Variants in GPR83 observed in about 807,000 individuals in gnomAD.
GPR83 encodes G protein-coupled receptor 83.
Under a neutral mutation model 28.0 loss-of-function variants are expected in GPR83, and 23 were observed. That is an observed-to-expected ratio of 0.82 (90% CI 0.59 to 1.16). GPR83 has a LOEUF of 1.16. Among genes scored for constraint, GPR83 ranks in the 50% most tolerant of loss-of-function variants. The probability of loss-of-function intolerance (pLI) is 0.00; values close to 1 mark genes in which losing one functional copy is unlikely to be tolerated. For missense variants in GPR83, 610 were observed against 536.6 expected, an observed-to-expected ratio of 1.14 and a Z score of -1.35; for synonymous variants, 234 against 215.4, an observed-to-expected ratio of 1.09 and a Z score of -0.76.
intron 2 of GPR83, among the ~76,000 whole-genome samples, chr11:94,395,051 G>A (rs1209175718): frequency 6.6e-6 from 1 of 152,172 alleles, no homozygotes; most frequent in East Asian, 1.9e-4. Context: ...TTACACTAAA[G>A]CATCTGCAAC....
At chr11:94,389,475 C>T (rs1340907698) in intron 3 of GPR83, among the ~76,000 whole-genome samples, 1 of 152,030 alleles carries the variant, frequency 6.6e-6, no homozygotes, top group Non-Finnish European at 1.5e-5. Flanking sequence ...AACAAATTTA[C>T]AAGAAAAATC....
chr11:94,401,074 C>T lies in GPR83; in HGVS notation c.174G>A (p.Arg58=), dbSNP rs778848123. ...TFSDWQNFVG[R]RRYGAESQNP... ...TCTGGGACTCAGCGCCGTAGCGCCTCCTGCCCACAAAGTTCTGCCAGTCGG... is the reference window on the plus strand; with the variant it reads ...TCTGGGACTCAGCGCCGTAGCGCCTTCTGCCCACAAAGTTCTGCCAGTCGG... The change falls in exon 1 of 4, where the codon AGG becomes AGA. Residue 58 remains arginine (R), a synonymous_variant. Coordinates refer to ENST00000243673, the MANE Select transcript of GPR83 (RefSeq NM_016540.4). The T allele has an allele frequency of 1.2e-6, 2 of 1,614,242 alleles. No homozygotes were observed. Among genetic ancestry groups the T allele is most frequent in the Non-Finnish European group, 1.7e-6 (2 of 1,180,028 alleles).
At chr11:94,386,105 A>G (rs1019577345) in intron 3 of GPR83, among the ~76,000 whole-genome samples, 2 of 152,216 alleles carry the variant, frequency 1.3e-5, no homozygotes, top group Admixed American at 6.5e-5. Flanking sequence ...ACTAAGCTTC[A>G]TAAGTGAAGG....
rs1944670378 is a variant in GPR83, at chr11:94,380,175, C to G, written c.1246G>C (p.Val416Leu). The G allele has an allele frequency of 4.6e-6, 7 of 1,516,478 alleles. No individual in the cohort carries two copies. The highest frequency in any genetic ancestry group is 6.2e-6 in the Non-Finnish European group (7 of 1,133,654). The allele number at this position is 1,516,478 out of a possible 1,614,324, so 93.9% of individuals were successfully genotyped here. A position where few individuals can be genotyped will look rare whatever the true frequency, so the allele number is the denominator to read the frequency against. The change falls in exon 4 of 4, where the codon GTG (valine) becomes CTG (leucine). Residue 416 changes from valine to leucine, a missense_variant. Physicochemically the swap from Val to Leu is conservative, Grantham distance 32. Transcript: ENST00000243673. ...TAACTCATCGTCACAATGGGTTCCACAGATGACAGGTCTGTCTTCCCAGAC... is the reference window on the plus strand; with the variant it reads ...TAACTCATCGTCACAATGGGTTCCAGAGATGACAGGTCTGTCTTCCCAGAC... ...LQSGKTDLSS[V>L]EPIVTMS
At chr11:94,388,978 A>G (rs1412651306) in intron 3 of GPR83, among the ~76,000 whole-genome samples, 3 of 152,208 alleles carry the variant, frequency 2.0e-5, no homozygotes, top group Non-Finnish European at 4.4e-5. Context: ...AAACAGAGAT[A>G]TAAACCAATG....
At chr11:94,385,469 C>A (rs1033558341) in intron 3 of GPR83, among the ~76,000 whole-genome samples, 40 of 152,116 alleles carry the variant, frequency 2.6e-4, no homozygotes, top group African/African-American at 9.2e-4. Context: ...AGACTAATGG[C>A]TAACTAGAAT....
At chr11:94,385,207 T>G (rs1262664270) in intron 3 of GPR83, among the ~76,000 whole-genome samples, 1 of 151,996 alleles carries the variant, frequency 6.6e-6, no homozygotes, top group Non-Finnish European at 1.5e-5. Flanking sequence ...TACGTCACCA[T>G]CATCAAAGAC....
At chr11:94,390,658 G>A (rs7932137) in intron 3 of GPR83, among the ~76,000 whole-genome samples, 94,517 of 151,936 alleles carry the variant, frequency 0.62, 30,091 homozygotes, top group East Asian at 0.71. Flanking sequence ...CAAAAATCAC[G>A]ACCATTCCTA....
At position 94,380,302 on chromosome 11, in the gene GPR83, C is replaced by T; in HGVS notation, c.1119G>A (p.Arg373=). 1.2e-6 allele frequency: 2 copies of T among 1,602,462 alleles called. No homozygotes were observed. Among genetic ancestry groups the T allele is most frequent in the Non-Finnish European group, 1.7e-6 (2 of 1,173,186 alleles). The change falls in exon 4 of 4, where the codon AGG becomes AGA. Residue 373 remains arginine, a synonymous_variant. Coordinates refer to ENST00000243673, the MANE Select transcript of GPR83 (RefSeq NM_016540.4). Reference sequence around the variant, plus strand: ...TGAAGGAAGGAACTGGGGAGGGTGGCCTGTCCTCCTGAGGCTTGGGAGGTC... The same window carrying T: ...TGAAGGAAGGAACTGGGGAGGGTGGTCTGTCCTCCTGAGGCTTGGGAGGTC... ...CQRPPKPQED[R]PPSPVPSFRV...
chr11:94,401,272 G>T lies in GPR83; in HGVS notation c.-25C>A, dbSNP rs1169490261. 6.4e-7 allele frequency: 1 copy of T among 1,556,504 alleles called. No homozygotes were observed. The highest frequency in any genetic ancestry group is 8.6e-7 in the Non-Finnish European group (1 of 1,157,394). The stretch of plus-strand genomic sequence containing the variant: ...TTTTGCAGGAGCCACCCCTCCCCTG[G>T]GAGCCTGCGGGCCGGGCGTCCCCTC... On this transcript the variant is annotated 5_prime_UTR_variant, in exon 1 of 4. Coordinates refer to ENST00000243673, the MANE Select transcript of GPR83 (RefSeq NM_016540.4).
chr11:94,398,866 C>G (rs1341648916), intron 1 of GPR83, among the ~76,000 whole-genome samples: 1 of 152,118 alleles, frequency 6.6e-6, no homozygotes, highest in Non-Finnish European at 1.5e-5. Flanking sequence ...AACTGTAATC[C>G]AAGTTTGGAT....
At chr11:94,383,761 C>T (rs1472627913) in intron 3 of GPR83, among the ~76,000 whole-genome samples, 1 of 152,136 alleles carries the variant, frequency 6.6e-6, no homozygotes, top group African/African-American at 2.4e-5. Flanking sequence ...TGGACACATA[C>T]ATCTTCCCAA....
chr11:94,393,609 G>T lies in GPR83; in HGVS notation c.523C>A (p.His175Asn), dbSNP rs753457922. The change falls in exon 3 of 4, where the codon CAC (histidine) becomes AAC (asparagine). Residue 175 changes from histidine (H) to asparagine (N), a missense_variant. Transcript: ENST00000243673. The stretch of plus-strand genomic sequence containing the variant: ...ATTGAGATCCGGGGTTTCAAGGGGT[G>T]CATGATGACCTGGAAAACAAGCAAA... Reference protein sequence around the residue: ...IAVDRHQVIMHPLKPRISITK... With the variant: ...IAVDRHQVIMNPLKPRISITK... 6.2e-7 allele frequency: 1 copy of T among 1,613,760 alleles called. No individual in the cohort carries two copies. The highest frequency in any genetic ancestry group is 2.2e-5 in the East Asian group (1 of 44,888).
At chr11:94,394,849 C>T (rs543359111) in intron 2 of GPR83, among the ~76,000 whole-genome samples, 6 of 152,260 alleles carry the variant, frequency 3.9e-5, no homozygotes, top group African/African-American at 1.4e-4. Flanking sequence ...GTATATGTTG[C>T]AGTAACATGG....
chr11:94,380,642 G>A lies in GPR83; in HGVS notation c.779C>T (p.Ala260Val), dbSNP rs756239584. 3.7e-6 allele frequency: 6 copies of A among 1,614,074 alleles called. No individual in the cohort carries two copies. The highest frequency in any genetic ancestry group is 4.5e-5 in the East Asian group (2 of 44,876). ...CAGCCACAGTTTCTTGGCCACACGAGCGTAGGCCACAGAGATGATGAGGAG... is the reference window on the plus strand; with the variant it reads ...CAGCCACAGTTTCTTGGCCACACGAACGTAGGCCACAGAGATGATGAGGAG... ...LPLLIISVAYARVAKKLWLCN... is the reference protein window; with the variant it reads ...LPLLIISVAYVRVAKKLWLCN... The change falls in exon 4 of 4, where the codon GCT becomes GTT. Residue 260 changes from alanine (A) to valine (V), a missense_variant. Coordinates refer to ENST00000243673, the MANE Select transcript of GPR83 (RefSeq NM_016540.4).
Position 94,377,859 on chromosome 11 carries a change from T to C in GPR83, c.*2290A>G, listed in dbSNP as rs2134676728. 6.6e-6 allele frequency: 1 copy of C among 152,168 alleles called. No homozygotes were observed. Among genetic ancestry groups the C allele is most frequent in the South Asian group, 2.1e-4 (1 of 4,806 alleles). The allele number at this position is 152,168 out of a possible 1,614,324, so 9.4% of individuals were successfully genotyped here. ...TCCAATATTTTGGACTTACGATGGG[T>C]TTATTGAGATGTAAGTCAAGGAGCT... is the stretch of plus-strand genomic sequence containing the variant. On this transcript the variant is annotated 3_prime_UTR_variant, in exon 4 of 4. Coordinates refer to ENST00000243673, the MANE Select transcript of GPR83 (RefSeq NM_016540.4).
rs535757610 is a variant in GPR83, at chr11:94,384,456, C to G, written c.648-3683G>C. Among the ~76,000 whole-genome samples, 177 of 152,302 alleles carry G rather than the reference C, an allele frequency of 1.2e-3. 1 individual carries two copies. Among genetic ancestry groups the G allele is most frequent in the Non-Finnish European group, 2.0e-3 (138 of 68,030 alleles). Reference sequence around the variant, plus strand: ...GATTTCTGCATTTCCAAGAGAGGTACCGGGTTCATCTCACTGGGGATTGTC... The same window carrying G: ...GATTTCTGCATTTCCAAGAGAGGTAGCGGGTTCATCTCACTGGGGATTGTC... On this transcript the variant is annotated intron_variant, in intron 3 of 3. Coordinates refer to ENST00000243673, the MANE Select transcript of GPR83 (RefSeq NM_016540.4).
Position 94,401,053 on chromosome 11 carries a change from G to A in GPR83, c.195C>T (p.Ser65=). Residue 65 remains serine, a synonymous_variant, in exon 1 of 4, where the codon TCC becomes TCT. Transcript: ENST00000243673. The part of the protein sequence containing the change: ...FVGRRRYGAE[S]QNPTVKALLI... ...GCAGGGCTTTCACCGTGGGGTTCTG[G>A]GACTCAGCGCCGTAGCGCCTCCTGC... 5.0e-6 allele frequency: 8 copies of A among 1,614,196 alleles called. No individual in the cohort carries two copies. The highest frequency in any genetic ancestry group is 6.8e-6 in the Non-Finnish European group (8 of 1,179,994).
intron 3 of GPR83, among the ~76,000 whole-genome samples, chr11:94,388,635 C>T (rs1944783344): frequency 6.6e-6 from 1 of 152,102 alleles, no homozygotes; most frequent in African/African-American, 2.4e-5. Context: ...AGGACCTCTT[C>T]AAGGAGAACT....
Sources: allele counts gnomAD v4.1 joint callset (sites outside exome capture counted in the v4.1 genomes callset), GRCh38; gene constraint gnomAD v4.1.1; transcripts MANE v1.5; gene names NCBI Gene and HGNC (gene_info 2026-07-23, HGNC 2026-07-21).